TCF7L2: variants seen among roughly 807,000 people sequenced by gnomAD.
TCF7L2 encodes transcription factor 7-like 2.
In TCF7L2, 23 loss-of-function variants were observed where a neutral mutation model predicts 77.9. The observed-to-expected ratio is 0.30, with a 90% confidence interval of 0.21 to 0.42. The LOEUF (loss-of-function observed/expected upper bound fraction) is 0.42, where lower values mean the gene tolerates loss of function less well. TCF7L2 is among the 10% of genes least tolerant of loss of function. TCF7L2 has a pLI of 1.00. For missense variants in TCF7L2, 654 were observed against 793.1 expected (o/e 0.82, Z 2.11); for synonymous variants, 413 against 340.2 (o/e 1.21, Z -2.36).
chr10:113,104,165 A>G (rs2061984805), intron 5 of TCF7L2, among the ~76,000 whole-genome samples: 1 of 152,164 alleles, frequency 6.6e-6, no homozygotes, highest in Admixed American at 6.5e-5. Context: ...GGGCAAAGAG[A>G]TGATTTCCTA....
chr10:113,140,827 C>T (rs913611825), intron 5 of TCF7L2, among the ~76,000 whole-genome samples: 9 of 152,232 alleles, frequency 5.9e-5, no homozygotes, highest in Middle Eastern at 3.4e-3. Flanking sequence ...AGGAGGTCCC[C>T]ACAACATGTG....
At chr10:113,065,672 G>T (rs1197053985) in intron 5 of TCF7L2, among the ~76,000 whole-genome samples, 9 of 152,126 alleles carry the variant, frequency 5.9e-5, no homozygotes, top group Non-Finnish European at 1.2e-4. Flanking sequence ...TTTTGGTTTG[G>T]GCTCTGGCTC....
chr10:112,994,067 A>G (rs1316397148), intron 4 of TCF7L2, among the ~76,000 whole-genome samples: 1 of 152,062 alleles, frequency 6.6e-6, no homozygotes, highest in Admixed American at 6.5e-5. Flanking sequence ...AAAAAAAAAA[A>G]AAGAAAGTAG....
intron 4 of TCF7L2, among the ~76,000 whole-genome samples, chr10:112,965,700 A>G (rs952183293): frequency 1.3e-5 from 2 of 149,994 alleles, no homozygotes; most frequent in South Asian, 4.2e-4. Flanking sequence ...TGCAGCCACA[A>G]TGCATCTTTG....
At chr10:113,018,123 T>C (rs536215909) in intron 4 of TCF7L2, among the ~76,000 whole-genome samples, 2 of 152,160 alleles carry the variant, frequency 1.3e-5, no homozygotes, top group Non-Finnish European at 2.9e-5. Flanking sequence ...TCACTGACTG[T>C]TGAGGTAACA....
At chr10:113,016,733 C>CA (rs1554942315) in intron 4 of TCF7L2, among the ~76,000 whole-genome samples, 1 of 144,290 alleles carries the variant, frequency 6.9e-6, no homozygotes, top group Non-Finnish European at 1.5e-5. Flanking sequence ...TGGGGCCAGG[C>CA]TTTTTTTTTT....
At position 113,144,088 on chromosome 10, in the gene TCF7L2, CTGTGTGTGTGTCTGTGTGTG is replaced by C. The variant is rs1271250890; in HGVS notation, c.788+75_788+94del. 66 of 1,261,898 alleles carry C rather than the reference CTGTGTGTGTGTCTGTGTGTG, an allele frequency of 5.2e-5. 2 individuals are homozygous for C. Among genetic ancestry groups the C allele is most frequent in the South Asian group, 2.9e-4 (22 of 76,464 alleles). The allele number at this position is 1,261,898 out of a possible 1,614,324, so 78.2% of individuals were successfully genotyped here. A position where few individuals can be genotyped will look rare whatever the true frequency, so the allele number is the denominator to read the frequency against. ...TACATGGGCATGTTTATTATTTATT[CTGTGTGTGTGTCTGTGTGTG>C]TGTGTGTGTGTGTGTGTGTGTGTGT... On this transcript the variant is annotated intron_variant, in intron 7 of 13. Coordinates refer to ENST00000627217, the MANE Select transcript of TCF7L2 (RefSeq NM_001146274.2).
In TCF7L2 at chr10:113,093,308, A is replaced by G. The variant is rs1281304268; in HGVS notation, c.553-47876A>G. On this transcript the variant is annotated intron_variant, in intron 5 of 13. Coordinates refer to ENST00000627217, the MANE Select transcript of TCF7L2 (RefSeq NM_001146274.2). The stretch of plus-strand genomic sequence containing the variant: ...GAGAAAGCAATATCCATAAGATCAC[A>G]CAGCTGAAGGGTGAGAGCTATAAAA... Among the ~76,000 whole-genome samples, 4 of 152,212 alleles carry G rather than the reference A, an allele frequency of 2.6e-5. No homozygotes were observed. In the South Asian group the frequency reaches 6.2e-4, roughly 24 times the overall value.
At chr10:113,140,090 G>A (rs2068077432) in intron 5 of TCF7L2, among the ~76,000 whole-genome samples, 1 of 152,144 alleles carries the variant, frequency 6.6e-6, no homozygotes, top group South Asian at 2.1e-4. Context: ...AAATGTCCCT[G>A]TTGTAGGATT....
At chr10:113,142,983 C>T (rs2068649626) in intron 6 of TCF7L2, among the ~76,000 whole-genome samples, 1 of 152,186 alleles carries the variant, frequency 6.6e-6, no homozygotes, top group South Asian at 2.1e-4. Context: ...TTAAAAGCTT[C>T]CTGAATGAAT....
At chr10:113,112,085 C>T (rs912246384) in intron 5 of TCF7L2, among the ~76,000 whole-genome samples, 1 of 152,246 alleles carries the variant, frequency 6.6e-6, no homozygotes, top group South Asian at 2.1e-4. Context: ...TGCTTTCCAT[C>T]TGTGCCTAAT....
chr10:112,963,647 G>GTAAAGAAA (rs1319434480), intron 3 of TCF7L2, among the ~76,000 whole-genome samples: 1 of 152,224 alleles, frequency 6.6e-6, no homozygotes, highest in African/African-American at 2.4e-5. Flanking sequence ...TAAATCAGCA[G>GTAAAGAAA]ATGGTGTTTG....
chr10:112,968,916 C>T (rs1025176260), intron 4 of TCF7L2, among the ~76,000 whole-genome samples: 3 of 152,056 alleles, frequency 2.0e-5, no homozygotes, highest in African/African-American at 7.2e-5. Flanking sequence ...TTCGGTGTCC[C>T]TGGCCTGGGG....
At chr10:112,996,345 C>A (rs781704257) in intron 4 of TCF7L2, among the ~76,000 whole-genome samples, 4 of 151,934 alleles carry the variant, frequency 2.6e-5, no homozygotes, top group Non-Finnish European at 5.9e-5. Flanking sequence ...CGGTGATGCC[C>A]GAGGAGAGCC....
chr10:113,102,846 C>T (rs1440196678), intron 5 of TCF7L2, among the ~76,000 whole-genome samples: 2 of 152,190 alleles, frequency 1.3e-5, no homozygotes. Flanking sequence ...CACTATCCTT[C>T]TGGCACTGGA....
At chr10:112,978,775 G>A (rs1358675323) in intron 4 of TCF7L2, among the ~76,000 whole-genome samples, 1 of 151,250 alleles carries the variant, frequency 6.6e-6, no homozygotes, top group Non-Finnish European at 1.5e-5. Context: ...CACCGCGCCC[G>A]GCCAGATTTT....
At chr10:112,993,104 T>C (rs996344768) in intron 4 of TCF7L2, among the ~76,000 whole-genome samples, 1 of 152,120 alleles carries the variant, frequency 6.6e-6, no homozygotes, top group South Asian at 2.1e-4. Flanking sequence ...TTTCTGATCA[T>C]GTAATTCTTA....
intron 5 of TCF7L2, among the ~76,000 whole-genome samples, chr10:113,073,129 T>TGTGTGTGTGAGAGA (rs56927661): frequency 1.6e-3 from 194 of 123,548 alleles, no homozygotes; most frequent in South Asian, 3.4e-3. Context: ...TGTGTGTGTG[T>TGTGTGTGTGAGAGA]GAGAGAGAGA....
chr10:112,959,355 G>T (rs370695975), intron 3 of TCF7L2, among the ~76,000 whole-genome samples: 2 of 152,134 alleles, frequency 1.3e-5, no homozygotes, highest in Non-Finnish European at 2.9e-5. Context: ...AGGTGGATAC[G>T]TATAGAAGCT....
Sources: gnomAD v4.1 joint callset for allele counts (sites outside exome capture counted in the v4.1 genomes callset) on GRCh38, gnomAD v4.1.1 for gene constraint, MANE v1.5 for transcripts, NCBI Gene and HGNC (gene_info 2026-07-23, HGNC 2026-07-21) for gene names.